The following UNC5C variants were observed in gnomAD, a reference collection of about 807,000 sequenced individuals.
UNC5C encodes unc-5 netrin receptor C, also known as netrin receptor UNC5C.
Under a neutral mutation model 99.8 loss-of-function variants are expected in UNC5C, and 47 were observed. That is an observed-to-expected ratio of 0.47 (90% CI 0.37 to 0.60). The LOEUF (loss-of-function observed/expected upper bound fraction) is 0.60, where lower values mean the gene tolerates loss of function less well. Among genes scored for constraint, UNC5C ranks in the 20% least tolerant of loss-of-function variants. The probability of loss-of-function intolerance (pLI) is 0.00; values close to 1 mark genes in which losing one functional copy is unlikely to be tolerated. For missense variants in UNC5C, 1,062 were observed against 1,165.9 expected, an observed-to-expected ratio of 0.91 and a Z score of 1.30; for synonymous variants, 487 against 452.2, an observed-to-expected ratio of 1.08 and a Z score of -0.98.
At position 95,244,988 on chromosome 4, in the gene UNC5C, G is replaced by A. The variant is rs200437262; in HGVS notation, c.932C>T (p.Thr311Met). Reference sequence around the variant, plus strand: ...ACTGGTTTATTTACCTGGGCATAACGTAGTACAGGCTATTTTCTGCACACT... The same window carrying A: ...ACTGGTTTATTTACCTGGGCATAACATAGTACAGGCTATTTTCTGCACACT... ...GQSVQKIACT[T>M]LCPVDGRWTP... The change falls in exon 6 of 16, where the codon ACG (threonine) becomes ATG (methionine). Residue 311 changes from threonine (T) to methionine (M), a missense_variant. Thr to Met is a moderately conservative substitution (Grantham distance 81). Coordinates refer to ENST00000453304, the MANE Select transcript of UNC5C (RefSeq NM_003728.4). 3.2e-4 allele frequency: 514 copies of A among 1,613,756 alleles called. No individual in the cohort carries two copies. The highest frequency in any genetic ancestry group is 4.2e-4 in the Non-Finnish European group (493 of 1,179,958).
intron 7 of UNC5C, among the ~76,000 whole-genome samples, chr4:95,225,429 A>G (rs371777653): frequency 1.3e-3 from 194 of 152,252 alleles, no homozygotes; most frequent in African/African-American, 4.3e-3. Context: ...GAAAAAAATC[A>G]CTTTGGTTTC....
Position 95,430,526 on chromosome 4 carries a change from C to T in UNC5C, c.125-94895G>A, listed in dbSNP as rs558992787. Among the ~76,000 whole-genome samples the T allele has an allele frequency of 7.9e-5, 12 of 152,198 alleles. No homozygotes were observed. The East Asian group carries it at 2.1e-3, about 27-fold the overall frequency. On this transcript the variant is annotated intron_variant, in intron 1 of 15. Transcript: ENST00000453304. The stretch of plus-strand genomic sequence containing the variant: ...CACAAAACACAAATGGTGGAATCTT[C>T]GACCATTTGTTTTCCTTTTAATCTT...
At chr4:95,189,216 G>A (rs994945871) in intron 12 of UNC5C, among the ~76,000 whole-genome samples, 5 of 152,212 alleles carry the variant, frequency 3.3e-5, no homozygotes, top group Admixed American at 1.3e-4. Context: ...GAATCCACCT[G>A]TTGCTTTGAT....
At chr4:95,466,077 A>G (rs1747767035) in intron 1 of UNC5C, among the ~76,000 whole-genome samples, 1 of 152,234 alleles carries the variant, frequency 6.6e-6, no homozygotes, top group South Asian at 2.1e-4. Context: ...TGAAGTCTTC[A>G]GCCCAGAGAA....
intron 1 of UNC5C, among the ~76,000 whole-genome samples, chr4:95,469,862 C>T (rs1747913521): frequency 6.6e-6 from 1 of 152,054 alleles, no homozygotes; most frequent in Non-Finnish European, 1.5e-5. Flanking sequence ...ACTGGAGAGA[C>T]AAATTGCTCA....
At chr4:95,334,291 A>C (rs552833943) in intron 2 of UNC5C, among the ~76,000 whole-genome samples, 1 of 152,170 alleles carries the variant, frequency 6.6e-6, no homozygotes, top group African/African-American at 2.4e-5. Flanking sequence ...TGGTTAATCC[A>C]ACATTTGGGA....
At chr4:95,194,180 C>T (rs1026454095) in intron 12 of UNC5C, among the ~76,000 whole-genome samples, 4 of 152,164 alleles carry the variant, frequency 2.6e-5, no homozygotes, top group African/African-American at 9.7e-5. Context: ...GGTGCTCAGG[C>T]AAGCAGCGTG....
At chr4:95,548,296 C>G (rs907076876) in intron 1 of UNC5C, among the ~76,000 whole-genome samples, 1 of 152,244 alleles carries the variant, frequency 6.6e-6, no homozygotes, top group Admixed American at 6.5e-5. Context: ...CTACCCCAGT[C>G]TTGGCACAGC....
At chr4:95,315,946 A>G (rs1579318716) in intron 2 of UNC5C, among the ~76,000 whole-genome samples, 2 of 152,154 alleles carry the variant, frequency 1.3e-5, no homozygotes, top group African/African-American at 2.4e-5. Context: ...TTTACTTCCA[A>G]GTTGGAATGC....
rs902675854 is a variant in UNC5C at position 95,162,955 on chromosome 4, T to G, written c.*6279A>C. On this transcript the variant is annotated 3_prime_UTR_variant, in exon 16 of 16. Coordinates refer to ENST00000453304, the MANE Select transcript of UNC5C (RefSeq NM_003728.4). ...CTTCAACACGACTGCTGGGGATTTT[T>G]CTCTGACAAACATTGGTGTCTTCTT... The G allele has an allele frequency of 1.3e-5, 2 of 152,228 alleles. No individual in the cohort carries two copies. The highest frequency in any genetic ancestry group is 4.8e-5 in the African/African-American group (2 of 41,450). 9.4% of individuals were successfully genotyped at this position (152,228 alleles called of 1,614,324 possible).
At chr4:95,486,663 C>G (rs1721337813) in intron 1 of UNC5C, among the ~76,000 whole-genome samples, 1 of 151,532 alleles carries the variant, frequency 6.6e-6, no homozygotes, top group South Asian at 2.1e-4. Flanking sequence ...CTTGAGTTAC[C>G]CTCTGATGAA....
chr4:95,190,458 G>A (rs887303997), intron 12 of UNC5C, among the ~76,000 whole-genome samples: 5 of 152,152 alleles, frequency 3.3e-5, no homozygotes, highest in Non-Finnish European at 5.9e-5. Flanking sequence ...CCTGCACATT[G>A]TGCACATGTA....
chr4:95,303,187 A>G (rs140808333), intron 2 of UNC5C, among the ~76,000 whole-genome samples: 5 of 152,276 alleles, frequency 3.3e-5, no homozygotes, highest in African/African-American at 1.2e-4. Context: ...AGTGTTTCTG[A>G]AAGTGTGGCC....
intron 1 of UNC5C, among the ~76,000 whole-genome samples, chr4:95,525,596 T>TAAAAAAAAAAAAAAAAAAAAAAA (rs574532435): frequency 2.9e-5 from 3 of 102,162 alleles, no homozygotes; most frequent in African/African-American, 4.0e-5. Context: ...GCCTATTTCT[T>TAAAAAAAAAAAAAAAAAAAAAAA]AAAAAAAAAA....
intron 1 of UNC5C, among the ~76,000 whole-genome samples, chr4:95,498,288 A>G (rs1438336994): frequency 2.0e-5 from 3 of 151,966 alleles, no homozygotes; most frequent in African/African-American, 7.2e-5. Context: ...ACCAGTTGTA[A>G]TGATCTTTGA....
intron 1 of UNC5C, among the ~76,000 whole-genome samples, chr4:95,407,657 T>C (rs1322808912): frequency 6.6e-6 from 1 of 152,164 alleles, no homozygotes; most frequent in Admixed American, 6.5e-5. Flanking sequence ...AAGAGACAAG[T>C]TATTAACTTC....
chr4:95,284,378 AT>A (rs1478401455), intron 3 of UNC5C, among the ~76,000 whole-genome samples: 1 of 152,152 alleles, frequency 6.6e-6, no homozygotes, highest in Non-Finnish European at 1.5e-5. Context: ...TTAAATACAC[AT>A]TTTAGGGGGG....
intron 1 of UNC5C, among the ~76,000 whole-genome samples, chr4:95,498,466 T>C (rs993187380): frequency 1.3e-5 from 2 of 152,004 alleles, no homozygotes; most frequent in Non-Finnish European, 2.9e-5. Context: ...AGGAAAACAT[T>C]CCATCTTTTC....
At chr4:95,438,396 G>A (rs1746849885) in intron 1 of UNC5C, among the ~76,000 whole-genome samples, 1 of 152,062 alleles carries the variant, frequency 6.6e-6, no homozygotes, top group Admixed American at 6.6e-5. Flanking sequence ...TCTGGGAACA[G>A]ATATCCTCTT....
Sources: gnomAD v4.1 joint callset for allele counts (sites outside exome capture counted in the v4.1 genomes callset) on GRCh38, gnomAD v4.1.1 for gene constraint, MANE v1.5 for transcripts, NCBI Gene and HGNC (gene_info 2026-07-23, HGNC 2026-07-21) for gene names.